USP44: variants seen among roughly 807,000 people sequenced by gnomAD.
USP44 encodes the protein ubiquitin specific peptidase 44.
A neutral mutation model predicts 69.0 loss-of-function variants in USP44; 61 were observed. The observed-to-expected ratio is 0.88, with a 90% CI of 0.72 to 1.09. The LOEUF is 1.09. Among genes scored for constraint, USP44 ranks in the 50% least tolerant of loss-of-function variants. The pLI is 0.00. For missense variants in USP44, 753 were observed against 849.9 expected (o/e 0.89, Z 1.42); for synonymous variants, 297 against 295.4 (o/e 1.01, Z -0.06).
Position 95,536,039 on chromosome 12 carries a change from CTTTTTTTT to C in USP44, c.-70-1721_-70-1714del, listed in dbSNP as rs397821709. 2.9e-3 allele frequency among the ~76,000 whole-genome samples: 287 copies of C among 97,528 alleles called. 1 individual carries two copies. The highest frequency in any genetic ancestry group is 5.1e-3 in the Non-Finnish European group (238 of 46,972). The allele number at this position is 97,528 out of a possible 152,430, so 64.0% of individuals were successfully genotyped here. A position where few individuals can be genotyped will look rare whatever the true frequency, so the allele number is the denominator to read the frequency against. On this transcript the variant is annotated intron_variant, in intron 1 of 5. Transcript: ENST00000258499. ...ATGTTTCTTTCTTTCCTTTTTTTTC[CTTTTTTTT>C]TTTTTTTTTTTTTGAGATAGGGTCT...
intron 1 of USP44, among the ~76,000 whole-genome samples, chr12:95,539,519 C>T (rs2077321300): frequency 6.6e-6 from 1 of 152,104 alleles, no homozygotes; most frequent in Admixed American, 6.5e-5. Flanking sequence ...AGTCACCGCG[C>T]CCGGCCCAAT....
intron 5 of USP44, among the ~76,000 whole-genome samples, chr12:95,520,417 G>A (rs530154404): frequency 2.0e-4 from 31 of 152,158 alleles, no homozygotes; most frequent in African/African-American, 6.7e-4. Flanking sequence ...GCTTGAACCC[G>A]GGAGGCAGAG....
chr12:95,549,735 C>T (rs950352570), intron 1 of USP44, among the ~76,000 whole-genome samples: 8 of 152,174 alleles, frequency 5.3e-5, no homozygotes, highest in African/African-American at 1.2e-4. Context: ...ATCTTTTCAT[C>T]ATCAGTTTTA....
At chr12:95,535,004 G>T (rs1189045032) in intron 1 of USP44, among the ~76,000 whole-genome samples, 1 of 152,104 alleles carries the variant, frequency 6.6e-6, no homozygotes, top group African/African-American at 2.4e-5. Context: ...ACAGGGGTTG[G>T]CAAGACCCAA....
chr12:95,550,185 A>G (rs1308319708), intron 1 of USP44, among the ~76,000 whole-genome samples: 37 of 39,322 alleles, frequency 9.4e-4, no homozygotes, highest in Admixed American at 3.1e-4. Flanking sequence ...CCGTCTCAGA[A>G]AAAAAAAAAA....
At position 95,534,233 on chromosome 12, in the gene USP44, T is replaced by A. The variant is rs761201744; in HGVS notation, c.24A>T (p.Lys8Asn). 34 of 1,612,240 alleles carry A rather than the reference T, an allele frequency of 2.1e-5. No individual in the cohort carries two copies. The highest frequency in any genetic ancestry group is 2.8e-5 in the Non-Finnish European group (33 of 1,178,716). The change falls in exon 2 of 6, where the codon AAA becomes AAT. Residue 8 changes from lysine to asparagine, a missense_variant. By Grantham distance (94) the Lys-to-Asn change is moderately conservative. Coordinates refer to ENST00000258499, the MANE Select transcript of USP44 (RefSeq NM_032147.5). Reference sequence around the variant, plus strand: ...GAGCAAGCTGCAGCTGCCCAACATGTTTGCACGTATCCATTGCTAGCATTT... The same window carrying A: ...GAGCAAGCTGCAGCTGCCCAACATGATTGCACGTATCCATTGCTAGCATTT... MLAMDTC[K>N]HVGQLQLAQD...
intron 1 of USP44, among the ~76,000 whole-genome samples, chr12:95,539,249 G>A (rs1227018209): frequency 1.4e-5 from 2 of 143,424 alleles, no homozygotes; most frequent in Non-Finnish European, 3.0e-5. Context: ...TTTTTGAGAC[G>A]GAGTCTTGCT....
chr12:95,521,217 G>C lies in USP44; in HGVS notation c.1734-15C>G. ...GTCCTGACCACCTGTGAACAAACCAGTGTAAAATTATCCACACAATTAAGG... is the reference window on the plus strand; with the variant it reads ...GTCCTGACCACCTGTGAACAAACCACTGTAAAATTATCCACACAATTAAGG... On this transcript the variant is annotated splice_polypyrimidine_tract_variant and intron_variant, in intron 4 of 5. Coordinates refer to ENST00000258499, the MANE Select transcript of USP44 (RefSeq NM_032147.5). 6.2e-7 allele frequency: 1 copy of C among 1,613,754 alleles called. No individual in the cohort carries two copies. Among genetic ancestry groups the C allele is most frequent in the Admixed American group, 1.7e-5 (1 of 60,028 alleles).
intron 1 of USP44, among the ~76,000 whole-genome samples, chr12:95,537,787 A>C (rs557240855): frequency 6.6e-6 from 1 of 152,336 alleles, no homozygotes; most frequent in South Asian, 2.1e-4. Flanking sequence ...ACCTCTGGGT[A>C]ATGGGACTGA....
In USP44 at chr12:95,548,924, G is replaced by T. The variant is rs1157390176; in HGVS notation, c.-71+2348C>A. The T allele has an allele frequency of 2.0e-5, 3 of 152,038 alleles. No homozygotes were observed. Among genetic ancestry groups the T allele is most frequent in the South Asian group, 2.1e-4 (1 of 4,830 alleles). 9.4% of individuals were successfully genotyped at this position (152,038 alleles called of 1,614,324 possible). Reference sequence around the variant, plus strand: ...CCCCACCCCTGCGCCGGCTCTTCGCGGGCACCGAGAACCTGCCGGTGGCCG... The same window carrying T: ...CCCCACCCCTGCGCCGGCTCTTCGCTGGCACCGAGAACCTGCCGGTGGCCG... On this transcript the variant is annotated intron_variant, in intron 1 of 5. Transcript: ENST00000258499. The surrounding 1 kb of genome is among the most constrained non-coding windows in gnomAD (Gnocchi z 4.1).
chr12:95,518,383 A>G, intron 5 of USP44, 30 bp from the exon 6 acceptor site: 1 of 1,604,662 alleles, frequency 6.2e-7, no homozygotes, highest in Non-Finnish European at 8.5e-7. Flanking sequence ...TACATTTATG[A>G]AGGGACTTTA....
chr12:95,544,057 T>C (rs1209693076), intron 1 of USP44, among the ~76,000 whole-genome samples: 1 of 139,022 alleles, frequency 7.2e-6, no homozygotes, highest in East Asian at 2.1e-4. Context: ...TCTTTTTTTT[T>C]TTTTTTTTTT....
Position 95,524,750 on chromosome 12 carries a change from T to C in USP44, c.1663A>G (p.Thr555Ala). Residue 555 changes from threonine (T) to alanine (A), a missense_variant, in exon 4 of 6, where the codon ACA becomes GCA. By Grantham distance (58) the Thr-to-Ala change is moderately conservative. Transcript: ENST00000258499. ...RRFSSKPVVL[T>A]EAQKQLMICH... ...ATCATAAGTTGTTTCTGGGCTTCTG[T>C]GAGTACAACTGGTTTGGAGGAAAAC... 2.5e-6 allele frequency: 4 copies of C among 1,612,608 alleles called. No individual in the cohort carries two copies. The highest frequency in any genetic ancestry group is 2.2e-5 in the South Asian group (2 of 90,644).
rs1350580858 is a variant in USP44 at position 95,534,245 on chromosome 12, C to T, written c.12G>A (p.Met4Ile). The T allele has an allele frequency of 6.2e-7, 1 of 1,607,816 alleles. No individual in the cohort carries two copies. The highest frequency in any genetic ancestry group is 1.3e-5 in the African/African-American group (1 of 74,826). Reference protein sequence around the residue: MLAMDTCKHVGQLQ... With the variant: MLAIDTCKHVGQLQ... The stretch of plus-strand genomic sequence containing the variant: ...GCTGCCCAACATGTTTGCACGTATC[C>T]ATTGCTAGCATTTATTTAGTCTAGC... The change falls in exon 2 of 6, where the codon ATG becomes ATA. Residue 4 changes from methionine (M) to isoleucine (I), a missense_variant. Met to Ile is a conservative substitution (Grantham distance 10). Coordinates refer to ENST00000258499, the MANE Select transcript of USP44 (RefSeq NM_032147.5).
In USP44 at chr12:95,543,425, A is replaced by G. The variant is rs1344426826; in HGVS notation, c.-71+7847T>C. ...CTTTCTCAAAAAAAAAAAAAAAAAA[A>G]AAAGAAAAAGAAAAAGAAAATAGTA... On this transcript the variant is annotated intron_variant, in intron 1 of 5. Transcript: ENST00000258499. Among the ~76,000 whole-genome samples, 1,460 of 150,364 alleles carry G rather than the reference A, an allele frequency of 9.7e-3. 31 individuals carry two copies. The highest frequency in any genetic ancestry group is 0.033 in the African/African-American group (1,362 of 41,022).
Position 95,518,301 on chromosome 12 carries a change from T to G in USP44, c.1992A>C (p.Glu664Asp). The G allele has an allele frequency of 6.2e-7, 1 of 1,614,196 alleles. No individual in the cohort carries two copies. The highest frequency in any genetic ancestry group is 8.5e-7 in the Non-Finnish European group (1 of 1,180,026). The stretch of plus-strand genomic sequence containing the variant: ...AGATATAAGCTTGAGCCTTGCATAC[T>G]TCATCCATAGTGCACATGCTTAGTT... ...DSKLSMCTMDEVCKAQAYILF... is the reference protein window; with the variant it reads ...DSKLSMCTMDDVCKAQAYILF... The change falls in exon 6 of 6, where the codon GAA becomes GAC. Residue 664 changes from glutamate to aspartate, a missense_variant. Coordinates refer to ENST00000258499, the MANE Select transcript of USP44 (RefSeq NM_032147.5).
At chr12:95,531,023 G>A (rs901712547) in intron 2 of USP44, among the ~76,000 whole-genome samples, 3 of 152,090 alleles carry the variant, frequency 2.0e-5, no homozygotes, top group South Asian at 2.1e-4. Context: ...AATTGGCTGG[G>A]TGTGGTGGCA....
At chr12:95,532,075 C>T (rs2077038054) in intron 2 of USP44, among the ~76,000 whole-genome samples, 1 of 152,110 alleles carries the variant, frequency 6.6e-6, no homozygotes, top group African/African-American at 2.4e-5. Context: ...AGCTCTCAGA[C>T]CATGACCCTT....
chr12:95,528,589 T>C (rs1177133468), intron 3 of USP44, among the ~76,000 whole-genome samples: 1 of 152,202 alleles, frequency 6.6e-6, no homozygotes, highest in African/African-American at 2.4e-5. Context: ...CTCTCCAAAA[T>C]TGTCTACAAG....
Sources: allele counts gnomAD v4.1 joint callset (sites outside exome capture counted in the v4.1 genomes callset), GRCh38; gene constraint gnomAD v4.1.1; non-coding constraint Gnocchi (gnomAD v3.1); transcripts MANE v1.5; gene names NCBI Gene and HGNC (gene_info 2026-07-23, HGNC 2026-07-21).